OR8K1: variants seen among roughly 807,000 people sequenced by gnomAD.
OR8K1 encodes the protein olfactory receptor 8K1.
For synonymous variants in OR8K1, 157 were observed against 139.4 expected (o/e 1.13, Z -0.89); for missense variants, 417 against 374.0 (o/e 1.11, Z -0.95).
rs142013780 is a variant in OR8K1 at position 56,346,678 on chromosome 11, C to T, written c.640C>T (p.Leu214Phe). 45 of 1,613,576 alleles carry T rather than the reference C, an allele frequency of 2.8e-5. No individual in the cohort carries two copies. The African/African-American group carries it at 4.9e-4, about 18-fold the overall frequency. Residue 214 changes from leucine (L) to phenylalanine (F), a missense_variant, in exon 1 of 1, where the codon CTC (leucine) becomes TTC (phenylalanine). Coordinates refer to ENST00000279783, the MANE Select transcript of OR8K1 (RefSeq NM_001002907.1). ...TTTGATCTTCTCAGGCTGTAATTTG[C>T]TCTTCTCCCTCTCAATTGTTCTCAT... The part of the protein sequence containing the change: ...IILIFSGCNL[L>F]FSLSIVLISY...
Position 56,346,267 on chromosome 11 carries a change from C to T in OR8K1, c.229C>T (p.Leu77Phe). 6.2e-7 allele frequency: 1 copy of T among 1,614,160 alleles called. No individual in the cohort carries two copies. The highest frequency in any genetic ancestry group is 8.5e-7 in the Non-Finnish European group (1 of 1,180,024). Residue 77 changes from leucine to phenylalanine, a missense_variant, in exon 1 of 1, where the codon CTT becomes TTT. By Grantham distance (22) the Leu-to-Phe change is conservative. Coordinates refer to ENST00000279783, the MANE Select transcript of OR8K1 (RefSeq NM_001002907.1). ...CCTTAGACATTTGTCAATCACTGAT[C>T]TTGGTTACTCCACTGTCATTGCCCC... ...FFLRHLSITDLGYSTVIAPKM... is the reference protein window; with the variant it reads ...FFLRHLSITDFGYSTVIAPKM...
rs1197612283 is a variant in OR8K1, at chr11:56,346,757, G to C, written c.719G>C (p.Arg240Thr). Residue 240 changes from arginine (R) to threonine (T), a missense_variant, in exon 1 of 1, where the codon AGG (arginine) becomes ACG (threonine). Coordinates refer to ENST00000279783, the MANE Select transcript of OR8K1 (RefSeq NM_001002907.1). The stretch of plus-strand genomic sequence containing the variant: ...CTCAGAATGAACTCAAGGAAAGGGA[G>C]GTACAAAGCCTTCTCCACCTGTAGC... ...AILRMNSRKG[R>T]YKAFSTCSSH... The C allele has an allele frequency of 1.9e-6, 3 of 1,613,954 alleles. No homozygotes were observed. The East Asian group carries it at 6.7e-5, about 36-fold the overall frequency.
rs200154860 is a variant in OR8K1, at chr11:56,346,129, G to C, written c.91G>C (p.Ala31Pro). 9.9e-6 allele frequency: 16 copies of C among 1,613,744 alleles called. No individual in the cohort carries two copies. The highest frequency in any genetic ancestry group is 1.7e-5 in the Admixed American group (1 of 59,966). Residue 31 changes from alanine to proline, a missense_variant, in exon 1 of 1, where the codon GCT (alanine) becomes CCT (proline). Ala to Pro is a conservative substitution (Grantham distance 27). Coordinates refer to ENST00000279783, the MANE Select transcript of OR8K1 (RefSeq NM_001002907.1). ...GATTACAGACAACCCTGGGCTGCAGGCTCCACTGTTTGGACTCTTCCTCAT... is the reference window on the plus strand; with the variant it reads ...GATTACAGACAACCCTGGGCTGCAGCCTCCACTGTTTGGACTCTTCCTCAT... ...MGITDNPGLQAPLFGLFLIIY... is the reference protein window; with the variant it reads ...MGITDNPGLQPPLFGLFLIIY...
At position 56,346,412 on chromosome 11, in the gene OR8K1, C is replaced by T. The variant is rs1283389763; in HGVS notation, c.374C>T (p.Ala125Val). ...GAGCTCTTTATTCTATCAGCAATGGCCTATGATCGCTACGTAGCCATCTGT... is the reference window on the plus strand; with the variant it reads ...GAGCTCTTTATTCTATCAGCAATGGTCTATGATCGCTACGTAGCCATCTGT... ...ISELFILSAM[A>V]YDRYVAICKP... Residue 125 changes from alanine to valine, a missense_variant, in exon 1 of 1, where the codon GCC becomes GTC. Transcript: ENST00000279783. The T allele has an allele frequency of 6.2e-7, 1 of 1,614,072 alleles. No homozygotes were observed. Among genetic ancestry groups the T allele is most frequent in the Non-Finnish European group, 8.5e-7 (1 of 1,179,990 alleles).
Position 56,346,649 on chromosome 11 carries a change from TA to T in OR8K1, c.613del (p.Ile205PhefsTer2). ...TCTGACACAAATGAATTAGAATTAATAATTTTGATCTTCTCAGGCTGTAATT... is the reference window on the plus strand; with the variant it reads ...TCTGACACAAATGAATTAGAATTAATATTTTGATCTTCTCAGGCTGTAATT... ...LCSDTNELEL[I>X]ILIFSGCNLL... On this transcript the variant is annotated frameshift_variant, in exon 1 of 1. Coordinates refer to ENST00000279783, the MANE Select transcript of OR8K1 (RefSeq NM_001002907.1). LOFTEE classifies it low-confidence loss of function (END_TRUNC). 1.9e-6 allele frequency: 3 copies of T among 1,614,032 alleles called. No homozygotes were observed. Among genetic ancestry groups the T allele is most frequent in the Non-Finnish European group, 2.5e-6 (3 of 1,179,914 alleles).
rs1854833107 is a variant in OR8K1 at position 56,346,457 on chromosome 11, T to C, written c.419T>C (p.Ile140Thr). The C allele has an allele frequency of 1.7e-5, 27 of 1,614,104 alleles. No homozygotes were observed. The highest frequency in any genetic ancestry group is 2.3e-5 in the Non-Finnish European group (27 of 1,179,984). Residue 140 changes from isoleucine (I) to threonine (T), a missense_variant, in exon 1 of 1, where the codon ATC (isoleucine) becomes ACC (threonine). Transcript: ENST00000279783. ...VAICKPLLYV[I>T]IMAEKVLWVL... ...ATCTGTAAACCTCTTCTGTACGTGA[T>C]CATCATGGCAGAGAAAGTACTTTGG...
rs770986473 is a variant in OR8K1 at position 56,346,596 on chromosome 11, C to G, written c.558C>G (p.Asp186Glu). The G allele has an allele frequency of 2.1e-5, 34 of 1,613,374 alleles. No homozygotes were observed. The highest frequency in any genetic ancestry group is 2.7e-5 in the Non-Finnish European group (32 of 1,179,516). The change falls in exon 1 of 1, where the codon GAC becomes GAG. Residue 186 changes from aspartate to glutamate, a missense_variant. Coordinates refer to ENST00000279783, the MANE Select transcript of OR8K1 (RefSeq NM_001002907.1). Reference protein sequence around the residue: ...GSNIISYFYCDCIPLMSILCS... With the variant: ...GSNIISYFYCECIPLMSILCS... ...ACATAATCAGCTATTTTTACTGTGACTGTATCCCTCTGATGTCCATACTCT... is the reference window on the plus strand; with the variant it reads ...ACATAATCAGCTATTTTTACTGTGAGTGTATCCCTCTGATGTCCATACTCT...
Position 56,346,970 on chromosome 11 carries a change from T to C in OR8K1, c.932T>C (p.Leu311Ser), listed in dbSNP as rs1160779189. ...GTAAAAGATGCTCTAAAGAGAACTT[T>C]AACCAATCGATTCAAAATTCCCATT... is the stretch of plus-strand genomic sequence containing the variant. ...KEVKDALKRT[L>S]TNRFKIPI is the part of the protein sequence containing the mutation. The change falls in exon 1 of 1, where the codon TTA becomes TCA. Residue 311 changes from leucine (L) to serine (S), a missense_variant. Coordinates refer to ENST00000279783, the MANE Select transcript of OR8K1 (RefSeq NM_001002907.1). 2.5e-6 allele frequency: 4 copies of C among 1,595,348 alleles called. No individual in the cohort carries two copies. Among genetic ancestry groups the C allele is most frequent in the Non-Finnish European group, 3.4e-6 (4 of 1,171,798 alleles).
Position 56,346,480 on chromosome 11 carries a change from T to C in OR8K1, c.442T>C (p.Trp148Arg). 1 of 1,614,098 alleles carries C rather than the reference T, an allele frequency of 6.2e-7. No individual in the cohort carries two copies. Among genetic ancestry groups the C allele is most frequent in the Non-Finnish European group, 8.5e-7 (1 of 1,179,984 alleles). ...YVIIMAEKVL[W>R]VLVIVPYLYS... ...GATCATCATGGCAGAGAAAGTACTTTGGGTGCTGGTAATTGTTCCCTATCT... is the reference window on the plus strand; with the variant it reads ...GATCATCATGGCAGAGAAAGTACTTCGGGTGCTGGTAATTGTTCCCTATCT... Residue 148 changes from tryptophan (W) to arginine (R), a missense_variant, in exon 1 of 1, where the codon TGG becomes CGG. Physicochemically the swap from Trp to Arg is moderately radical, Grantham distance 101 (BLOSUM62 -3). Transcript: ENST00000279783.
At position 56,346,893 on chromosome 11, in the gene OR8K1, C is replaced by T. The variant is rs754007514; in HGVS notation, c.855C>T (p.Thr285=). The T allele has an allele frequency of 1.2e-6, 2 of 1,613,694 alleles. No homozygotes were observed. The highest frequency in any genetic ancestry group is 2.2e-5 in the South Asian group (2 of 91,074). ...AIDKMASVFY[T]LLIPMLNPLI... Reference sequence around the variant, plus strand: ...ATAAAATGGCCTCAGTGTTTTATACCCTGTTGATTCCTATGCTGAATCCGT... The same window carrying T: ...ATAAAATGGCCTCAGTGTTTTATACTCTGTTGATTCCTATGCTGAATCCGT... The change falls in exon 1 of 1, where the codon ACC becomes ACT. Residue 285 remains threonine, a synonymous_variant. Coordinates refer to ENST00000279783, the MANE Select transcript of OR8K1 (RefSeq NM_001002907.1).
At position 56,346,625 on chromosome 11, in the gene OR8K1, C is replaced by G. The variant is rs903157309; in HGVS notation, c.587C>G (p.Ser196Cys). 6.2e-7 allele frequency: 1 copy of G among 1,613,768 alleles called. No individual in the cohort carries two copies. The highest frequency in any genetic ancestry group is 1.3e-5 in the African/African-American group (1 of 74,920). The change falls in exon 1 of 1, where the codon TCT becomes TGT. Residue 196 changes from serine (S) to cysteine (C), a missense_variant. Physicochemically the swap from Ser to Cys is moderately radical, Grantham distance 112. Coordinates refer to ENST00000279783, the MANE Select transcript of OR8K1 (RefSeq NM_001002907.1). ...ATCCCTCTGATGTCCATACTCTGTTCTGACACAAATGAATTAGAATTAATA... is the reference window on the plus strand; with the variant it reads ...ATCCCTCTGATGTCCATACTCTGTTGTGACACAAATGAATTAGAATTAATA... ...DCIPLMSILC[S>C]DTNELELIIL...
Position 56,346,236 on chromosome 11 carries a change from C to T in OR8K1, c.198C>T (p.Tyr66=). The T allele has an allele frequency of 6.2e-7, 1 of 1,613,956 alleles. No individual in the cohort carries two copies. The highest frequency in any genetic ancestry group is 8.5e-7 in the Non-Finnish European group (1 of 1,179,836). ...YLDSKLHTPM[Y]FFLRHLSITD... ...ACTCCAAGCTACACACCCCCATGTA[C>T]TTTTTCCTTAGACATTTGTCAATCA... is the stretch of plus-strand genomic sequence containing the variant. Residue 66 remains tyrosine (Y), a synonymous_variant, in exon 1 of 1, where the codon TAC becomes TAT. Coordinates refer to ENST00000279783, the MANE Select transcript of OR8K1 (RefSeq NM_001002907.1).
Position 56,346,270 on chromosome 11 carries a change from G to A in OR8K1, c.232G>A (p.Gly78Ser). The A allele has an allele frequency of 2.5e-6, 4 of 1,614,056 alleles. No homozygotes were observed. Among genetic ancestry groups the A allele is most frequent in the Non-Finnish European group, 3.4e-6 (4 of 1,180,000 alleles). The stretch of plus-strand genomic sequence containing the variant: ...TAGACATTTGTCAATCACTGATCTT[G>A]GTTACTCCACTGTCATTGCCCCGAA... ...FLRHLSITDLGYSTVIAPKML... is the reference protein window; with the variant it reads ...FLRHLSITDLSYSTVIAPKML... Residue 78 changes from glycine to serine, a missense_variant, in exon 1 of 1, where the codon GGT becomes AGT. Gly to Ser is a moderately conservative substitution (Grantham distance 56, BLOSUM62 0). Coordinates refer to ENST00000279783, the MANE Select transcript of OR8K1 (RefSeq NM_001002907.1).
chr11:56,346,832 A>G lies in OR8K1; in HGVS notation c.794A>G (p.Tyr265Cys), dbSNP rs1489232156. The change falls in exon 1 of 1, where the codon TAC (tyrosine) becomes TGC (cysteine). Residue 265 changes from tyrosine (Y) to cysteine (C), a missense_variant. By Grantham distance (194) the Tyr-to-Cys change is radical. Coordinates refer to ENST00000279783, the MANE Select transcript of OR8K1 (RefSeq NM_001002907.1). Reference sequence around the variant, plus strand: ...TTCTATGGGACATTGTTATTTATTTACTTGCAACCCAAGTCCAGTCATACT... The same window carrying G: ...TTCTATGGGACATTGTTATTTATTTGCTTGCAACCCAAGTCCAGTCATACT... ...IMFYGTLLFI[Y>C]LQPKSSHTLA... 3.7e-6 allele frequency: 6 copies of G among 1,614,024 alleles called. No individual in the cohort carries two copies. The highest frequency in any genetic ancestry group is 5.1e-6 in the Non-Finnish European group (6 of 1,179,946).
Position 56,346,570 on chromosome 11 carries a change from A to T in OR8K1, c.532A>T (p.Asn178Tyr). The T allele has an allele frequency of 6.2e-7, 1 of 1,613,836 alleles. No homozygotes were observed. The highest frequency in any genetic ancestry group is 1.1e-5 in the South Asian group (1 of 91,068). Residue 178 changes from asparagine to tyrosine, a missense_variant, in exon 1 of 1, where the codon AAC (asparagine) becomes TAC (tyrosine). Coordinates refer to ENST00000279783, the MANE Select transcript of OR8K1 (RefSeq NM_001002907.1). ...KLFKLSFCGS[N>Y]IISYFYCDCI... ...ATTTAAACTGTCCTTCTGTGGCTCAAACATAATCAGCTATTTTTACTGTGA... is the reference window on the plus strand; with the variant it reads ...ATTTAAACTGTCCTTCTGTGGCTCATACATAATCAGCTATTTTTACTGTGA...
Position 56,346,766 on chromosome 11 carries a change from C to A in OR8K1, c.728C>A (p.Ala243Asp), listed in dbSNP as rs201315906. 1 of 1,613,882 alleles carries A rather than the reference C, an allele frequency of 6.2e-7. No homozygotes were observed. The highest frequency in any genetic ancestry group is 1.7e-5 in the Admixed American group (1 of 59,984). ...AACTCAAGGAAAGGGAGGTACAAAG[C>A]CTTCTCCACCTGTAGCTCTCATCTG... Reference protein sequence around the residue: ...RMNSRKGRYKAFSTCSSHLTV... With the variant: ...RMNSRKGRYKDFSTCSSHLTV... The change falls in exon 1 of 1, where the codon GCC becomes GAC. Residue 243 changes from alanine to aspartate, a missense_variant. Coordinates refer to ENST00000279783, the MANE Select transcript of OR8K1 (RefSeq NM_001002907.1).
In OR8K1 at chr11:56,346,824, A is replaced by G; in HGVS notation, c.786A>G (p.Leu262=). The G allele has an allele frequency of 4.3e-6, 7 of 1,613,860 alleles. No individual in the cohort carries two copies. The highest frequency in any genetic ancestry group is 1.1e-5 in the South Asian group (1 of 91,076). ...TVVIMFYGTL[L]FIYLQPKSSH... ...TGATCATGTTCTATGGGACATTGTT[A>G]TTTATTTACTTGCAACCCAAGTCCA... The change falls in exon 1 of 1, where the codon TTA becomes TTG. Residue 262 remains leucine (L), a synonymous_variant. Coordinates refer to ENST00000279783, the MANE Select transcript of OR8K1 (RefSeq NM_001002907.1).
chr11:56,346,262 C>A lies in OR8K1; in HGVS notation c.224C>A (p.Thr75Asn). Residue 75 changes from threonine (T) to asparagine (N), a missense_variant, in exon 1 of 1, where the codon ACT (threonine) becomes AAT (asparagine). Transcript: ENST00000279783. ...MYFFLRHLSI[T>N]DLGYSTVIAP... ...TTTTTCCTTAGACATTTGTCAATCA[C>A]TGATCTTGGTTACTCCACTGTCATT... 1 of 1,614,200 alleles carries A rather than the reference C, an allele frequency of 6.2e-7. No individual in the cohort carries two copies. Among genetic ancestry groups the A allele is most frequent in the African/African-American group, 1.3e-5 (1 of 75,060 alleles).
rs375690068 is a variant in OR8K1, at chr11:56,346,967, C to T, written c.929C>T (p.Thr310Ile). The change falls in exon 1 of 1, where the codon ACT (threonine) becomes ATT (isoleucine). Residue 310 changes from threonine (T) to isoleucine (I), a missense_variant. By Grantham distance (89) the Thr-to-Ile change is moderately conservative. Transcript: ENST00000279783. The stretch of plus-strand genomic sequence containing the variant: ...GAAGTAAAAGATGCTCTAAAGAGAA[C>T]TTTAACCAATCGATTCAAAATTCCC... Reference protein sequence around the residue: ...NKEVKDALKRTLTNRFKIPI With the variant: ...NKEVKDALKRILTNRFKIPI 6.3e-7 allele frequency: 1 copy of T among 1,597,308 alleles called. No homozygotes were observed. The highest frequency in any genetic ancestry group is 8.5e-7 in the Non-Finnish European group (1 of 1,172,740).
Sources: gnomAD v4.1 joint callset for allele counts on GRCh38, gnomAD v4.1.1 for gene constraint, MANE v1.5 for transcripts, NCBI Gene and HGNC (gene_info 2026-07-23, HGNC 2026-07-21) for gene names.